The following RER1 variants were observed in gnomAD, a reference collection of about 807,000 sequenced individuals.
RER1 encodes protein RER1.
Under a neutral mutation model 28.3 loss-of-function variants are expected in RER1, and 6 were observed. The observed-to-expected ratio is 0.21, with a 90% CI of 0.12 to 0.42. The LOEUF (loss-of-function observed/expected upper bound fraction) is 0.42. Ranked by LOEUF, RER1 falls within the 10% of genes least tolerant of loss-of-function variation. The pLI, the probability that RER1 is intolerant of heterozygous loss-of-function variation, is 1.00. For synonymous variants in RER1, 110 were observed against 95.9 expected, an observed-to-expected ratio of 1.15 and a Z score of -0.86; for missense variants, 159 against 252.9, an observed-to-expected ratio of 0.63 and a Z score of 2.52.
At chr1:2,396,251 C>T (rs909879504) in intron 2 of RER1, 2 of 264,406 alleles carry the variant, frequency 7.6e-6, no homozygotes, top group African/African-American at 2.2e-5. Flanking sequence ...GTCAGCTCGG[C>T]GGTTCTGTCC....
rs12085089 is a variant in RER1 at position 2,404,530 on chromosome 1, C to G, written c.*1406C>G. 45,959 of 152,228 alleles carry G rather than the reference C, an allele frequency of 0.3. 7,204 individuals carry two copies. The highest frequency in any genetic ancestry group is 0.43 in the East Asian group (2,222 of 5,178). 9.4% of individuals were successfully genotyped at this position (152,228 alleles called of 1,614,324 possible). On this transcript the variant is annotated 3_prime_UTR_variant, in exon 7 of 7. Transcript: ENST00000605895. Reference sequence around the variant, plus strand: ...ACGGCGGCATCTGCCCACCCGGCCGCAGCCCCCAGTGCCTCTCCTGGTGGT... The same window carrying G: ...ACGGCGGCATCTGCCCACCCGGCCGGAGCCCCCAGTGCCTCTCCTGGTGGT...
At chr1:2,396,267 G>A in intron 2 of RER1, 1 of 236,770 alleles carries the variant, frequency 4.2e-6, no homozygotes, top group Non-Finnish European at 8.5e-6. Flanking sequence ...TGTCCTTGAG[G>A]GTGAGAGGCT....
At chr1:2,396,027 G>A in intron 2 of RER1, 156 bp downstream of exon 2, 2 of 665,700 alleles carry the variant, frequency 3.0e-6, no homozygotes, top group Non-Finnish European at 5.5e-6. Flanking sequence ...TCACTGTGAA[G>A]GGCCAGCTGT....
At chr1:2,392,786 G>A (rs1470684737) in intron 1 of RER1, among the ~76,000 whole-genome samples, 1 of 152,196 alleles carries the variant, frequency 6.6e-6, no homozygotes, top group Non-Finnish European at 1.5e-5. Flanking sequence ...AGGTGACGGC[G>A]ACGGCGGTAA....
At chr1:2,400,161 C>T (rs1313846338) in intron 4 of RER1, among the ~76,000 whole-genome samples, 1 of 152,238 alleles carries the variant, frequency 6.6e-6, no homozygotes, top group Non-Finnish European at 1.5e-5. Context: ...GACGTGGTGG[C>T]CATTGAGGGA....
chr1:2,397,344 A>G (rs1642781512), intron 3 of RER1, 124 bp downstream of exon 3: 1 of 691,684 alleles, frequency 1.4e-6, no homozygotes, highest in Admixed American at 2.1e-5. Context: ...ATTTTCAGCT[A>G]AACGCCAAAT....
intron 1 of RER1, among the ~76,000 whole-genome samples, chr1:2,392,707 G>A (rs1166872725): frequency 1.3e-5 from 2 of 152,248 alleles, no homozygotes; most frequent in African/African-American, 4.8e-5. Context: ...GGAAGATGCA[G>A]TTATCCCCGT....
rs1235031077 is a variant in RER1, at chr1:2,404,480, GGACTGGGTGCT to G, written c.*1359_*1369del. ...CTTGGCCAGAGCACAGTGAAGCAAA[GGACTGGGTGCT>G]GATGGATGGAGCCACGGCGGCATCT... On this transcript the variant is annotated 3_prime_UTR_variant, in exon 7 of 7. Transcript: ENST00000605895. 6.6e-6 allele frequency: 1 copy of G among 152,272 alleles called. No individual in the cohort carries two copies. Among genetic ancestry groups the G allele is most frequent in the Non-Finnish European group, 1.5e-5 (1 of 68,058 alleles). 9.4% of individuals were successfully genotyped at this position (152,272 alleles called of 1,614,324 possible).
chr1:2,394,363 G>C (rs1212206419), intron 1 of RER1: 1 of 152,262 alleles, frequency 6.6e-6, no homozygotes, highest in African/African-American at 2.4e-5. Flanking sequence ...AGTTGTGATG[G>C]GAGAGCCAAG....
At position 2,404,639 on chromosome 1, in the gene RER1, A is replaced by G. The variant is rs1282813474; in HGVS notation, c.*1515A>G. 6.6e-6 allele frequency: 1 copy of G among 152,234 alleles called. No individual in the cohort carries two copies. The highest frequency in any genetic ancestry group is 1.9e-4 in the East Asian group (1 of 5,190). 9.4% of individuals were successfully genotyped at this position (152,234 alleles called of 1,614,324 possible). ...TTGACTAACCCAGGAATACAGGGTC[A>G]TCCTCATTCCTAAGTAAGTCAAACA... On this transcript the variant is annotated 3_prime_UTR_variant, in exon 7 of 7. Transcript: ENST00000605895.
In RER1 at chr1:2,399,341, G is replaced by C. The variant is rs998056526; in HGVS notation, c.187-74G>C. On this transcript the variant is annotated intron_variant, in intron 3 of 6. Coordinates refer to ENST00000605895, the MANE Select transcript of RER1 (RefSeq NM_007033.5). ...AGTTAACAAAGTTGAGAGTGAACCG[G>C]AGTGCAAACGTGAACTGGCTCAGGC... 9 of 954,730 alleles carry C rather than the reference G, an allele frequency of 9.4e-6. No individual in the cohort carries two copies. In the African/African-American group the frequency reaches 1.1e-4, roughly 12 times the overall value. The allele number at this position is 954,730 out of a possible 1,614,324, so 59.1% of individuals were successfully genotyped here. A position where few individuals can be genotyped will look rare whatever the true frequency, so the allele number is the denominator to read the frequency against.
chr1:2,401,317 CCTT>C (rs1642851707), intron 5 of RER1, among the ~76,000 whole-genome samples: 1 of 84,288 alleles, frequency 1.2e-5, no homozygotes, highest in Non-Finnish European at 2.5e-5. Flanking sequence ...CCTCCTCCCT[CCTT>C]CCTGCCTCCT....
At chr1:2,398,955 C>CA (rs1642806997) in intron 3 of RER1, among the ~76,000 whole-genome samples, 2 of 152,200 alleles carry the variant, frequency 1.3e-5, no homozygotes, top group African/African-American at 4.8e-5. Flanking sequence ...GAACATCAGC[C>CA]AGCACGCCTC....
chr1:2,395,890 A>G lies in RER1; in HGVS notation c.81+19A>G. ...TGGACAGGTTGGTGGGTTTTTTAGT[A>G]GATGAGTATAAATATTTGAAAAAGA... is the stretch of plus-strand genomic sequence containing the variant. On this transcript the variant is annotated intron_variant, in intron 2 of 6. Coordinates refer to ENST00000605895, the MANE Select transcript of RER1 (RefSeq NM_007033.5). 3.8e-6 allele frequency: 6 copies of G among 1,562,718 alleles called. No individual in the cohort carries two copies. The highest frequency in any genetic ancestry group is 4.4e-6 in the Non-Finnish European group (5 of 1,133,206).
chr1:2,396,150 A>G, intron 2 of RER1: 1 of 416,330 alleles, frequency 2.4e-6, no homozygotes, highest in Non-Finnish European at 4.5e-6. Context: ...GCTCCCAGGC[A>G]GGACAGATGC....
intron 1 of RER1, chr1:2,394,034 G>A (rs529000971): frequency 1.3e-5 from 2 of 152,178 alleles, no homozygotes; most frequent in Non-Finnish European, 2.9e-5. Flanking sequence ...TGAGTAAAAC[G>A]GGGAAACTTA....
chr1:2,402,081 C>T, intron 5 of RER1, 126 bp from the exon 6 acceptor site: 4 of 1,603,186 alleles, frequency 2.5e-6, no homozygotes, highest in Non-Finnish European at 2.6e-6. Flanking sequence ...CCAGGGTAGA[C>T]CCCTCCTTTC....
chr1:2,392,264 C>G (rs975461894), intron 1 of RER1, among the ~76,000 whole-genome samples: 2 of 152,146 alleles, frequency 1.3e-5, no homozygotes, highest in East Asian at 3.9e-4. Flanking sequence ...GGCCGCATCT[C>G]GTCCGCATCC....
chr1:2,396,067 G>A (rs904279149), intron 2 of RER1, 196 bp downstream of exon 2: 3 of 595,672 alleles, frequency 5.0e-6, no homozygotes, highest in Non-Finnish European at 6.0e-6. Context: ...GCCACACGTG[G>A]TCTATCAAAC....
Sources: gnomAD v4.1 joint callset for allele counts (sites outside exome capture counted in the v4.1 genomes callset) on GRCh38, gnomAD v4.1.1 for gene constraint, MANE v1.5 for transcripts, NCBI Gene and HGNC (gene_info 2026-07-23, HGNC 2026-07-21) for gene names.